Variants in DLGAP1 observed in about 807,000 individuals in gnomAD.
The protein encoded by DLGAP1 is DLG associated protein 1, also known as disks large-associated protein 1.
DLGAP1 carries 11 observed loss-of-function variants against 90.8 expected under a neutral mutation model. The observed-to-expected ratio is 0.12, with a 90% CI of 0.08 to 0.20. The LOEUF is 0.20. DLGAP1 is among the 10% of genes least tolerant of loss of function. The pLI, the probability that DLGAP1 is intolerant of heterozygous loss-of-function variation, is 1.00. For synonymous variants in DLGAP1, 558 were observed against 540.7 expected (o/e 1.03, Z -0.44); for missense variants, 1,050 against 1,333.8 (o/e 0.79, Z 3.31).
intron 5 of DLGAP1, among the ~76,000 whole-genome samples, chr18:3,792,255 TG>T (rs2065770861): frequency 6.6e-6 from 1 of 152,134 alleles, no homozygotes; most frequent in Non-Finnish European, 1.5e-5. Flanking sequence ...CTGAGGTAGA[TG>T]GATCACTTGA....
intron 3 of DLGAP1, among the ~76,000 whole-genome samples, chr18:3,931,738 C>T (rs1390215513): frequency 6.6e-6 from 1 of 152,160 alleles, no homozygotes; most frequent in Non-Finnish European, 1.5e-5. Flanking sequence ...TTAGCGCCAC[C>T]TTTGCACAGA....
rs1639300259 is a variant in DLGAP1 at position 4,454,115 on chromosome 18, G to A, written c.-267+891C>T. On this transcript the variant is annotated intron_variant, in intron 1 of 12. Transcript: ENST00000315677. The surrounding 1 kb of genome is among the most constrained non-coding windows in gnomAD (Gnocchi z 4.7). ...CCTCCCGGTGCCACCCAGCGAGGCCGGGACAGCGCGCCTTCCGCAAAAAGC... is the reference window on the plus strand; with the variant it reads ...CCTCCCGGTGCCACCCAGCGAGGCCAGGACAGCGCGCCTTCCGCAAAAAGC... Among the ~76,000 whole-genome samples the A allele has an allele frequency of 2.0e-5, 3 of 152,194 alleles. No individual in the cohort carries two copies. Among genetic ancestry groups the A allele is most frequent in the Admixed American group, 2.0e-4 (3 of 15,288 alleles).
intron 2 of DLGAP1, among the ~76,000 whole-genome samples, chr18:4,058,651 C>T (rs1366915501): frequency 6.6e-6 from 1 of 152,220 alleles, no homozygotes; most frequent in Non-Finnish European, 1.5e-5. Context: ...GGCAAATGAA[C>T]ATTCCTCTCT....
intron 1 of DLGAP1, among the ~76,000 whole-genome samples, chr18:4,335,916 A>G (rs1293483270): frequency 2.0e-5 from 3 of 152,244 alleles, no homozygotes; most frequent in Non-Finnish European, 4.4e-5. Flanking sequence ...CATATGAAAT[A>G]CATGCCATGA....
At chr18:4,179,643 T>G (rs1288120594) in intron 1 of DLGAP1, among the ~76,000 whole-genome samples, 3 of 152,154 alleles carry the variant, frequency 2.0e-5, no homozygotes, top group African/African-American at 7.2e-5. Context: ...ACTCTCACAT[T>G]TAGGCCCAAA....
At chr18:4,053,941 T>C (rs1438156267) in intron 2 of DLGAP1, among the ~76,000 whole-genome samples, 1 of 152,222 alleles carries the variant, frequency 6.6e-6, no homozygotes, top group African/African-American at 2.4e-5. Context: ...TATTTTATAG[T>C]TTCTTGAATA....
At chr18:3,798,183 G>A (rs1157647133) in intron 5 of DLGAP1, among the ~76,000 whole-genome samples, 1 of 152,170 alleles carries the variant, frequency 6.6e-6, no homozygotes, top group African/African-American at 2.4e-5. Flanking sequence ...TTTAGAATAG[G>A]TAAAACACTT....
chr18:4,039,842 T>A (rs925289894), intron 2 of DLGAP1, among the ~76,000 whole-genome samples: 2 of 152,240 alleles, frequency 1.3e-5, no homozygotes, highest in African/African-American at 4.8e-5. Flanking sequence ...TTTGATAGAA[T>A]TAAGAGAACT....
chr18:4,018,858 G>C (rs544277499), intron 2 of DLGAP1, among the ~76,000 whole-genome samples: 1 of 152,316 alleles, frequency 6.6e-6, no homozygotes, highest in African/African-American at 2.4e-5. Flanking sequence ...GATGGAAAAG[G>C]TACTCCGATT....
At chr18:4,333,098 C>A (rs1429769661) in intron 1 of DLGAP1, among the ~76,000 whole-genome samples, 1 of 151,926 alleles carries the variant, frequency 6.6e-6, no homozygotes, top group East Asian at 1.9e-4. Context: ...TAAATGACTC[C>A]AAAATTCAAT....
intron 1 of DLGAP1, among the ~76,000 whole-genome samples, chr18:4,334,060 G>A (rs1016433954): frequency 2.6e-5 from 4 of 151,444 alleles, no homozygotes; most frequent in Non-Finnish European, 5.9e-5. Flanking sequence ...CCAACATGGG[G>A]AAATCCTGTC....
At chr18:4,442,722 G>C (rs146546623) in intron 1 of DLGAP1, among the ~76,000 whole-genome samples, 23 of 152,280 alleles carry the variant, frequency 1.5e-4, no homozygotes, top group African/African-American at 5.3e-4. Context: ...CATATACCAG[G>C]AATCTATCAG....
rs1344770365 is a variant in DLGAP1 at position 4,032,830 on chromosome 18, T to TGTCTCTGACTCTCC, written c.-158-27630_-158-27629insGGAGAGTCAGAGAC. Among the ~76,000 whole-genome samples, 9 of 152,340 alleles carry TGTCTCTGACTCTCC rather than the reference T, an allele frequency of 5.9e-5. No individual in the cohort carries two copies. The East Asian group carries it at 1.7e-3, about 29-fold the overall frequency. On this transcript the variant is annotated intron_variant, in intron 2 of 12. Transcript: ENST00000315677. ...GTTCTCAATAGAGTGCAAACCTCTC[T>TGTCTCTGACTCTCC]GTCTCTGTCTCTCCGTCTCTGTAAG...
chr18:4,147,734 G>T (rs895423619), intron 2 of DLGAP1, among the ~76,000 whole-genome samples: 2 of 152,176 alleles, frequency 1.3e-5, no homozygotes, highest in Non-Finnish European at 2.9e-5. Flanking sequence ...ATGATATTAA[G>T]ATGGTAACTG....
At chr18:3,690,141 C>T (rs1358962428) in intron 7 of DLGAP1, among the ~76,000 whole-genome samples, 2 of 144,158 alleles carry the variant, frequency 1.4e-5, no homozygotes, top group African/African-American at 2.6e-5. Context: ...CTCTGTTGCC[C>T]TCTGGTGCAA....
intron 3 of DLGAP1, among the ~76,000 whole-genome samples, chr18:3,942,338 A>G (rs987306076): frequency 4.6e-5 from 7 of 152,204 alleles, no homozygotes; most frequent in African/African-American, 1.7e-4. Context: ...TAAGTTGTTG[A>G]AACTAAAACT....
chr18:3,812,554 A>G (rs968793530), intron 5 of DLGAP1, among the ~76,000 whole-genome samples: 16 of 152,204 alleles, frequency 1.1e-4, no homozygotes. Context: ...CTTGAAAAGT[A>G]ACACATGTAG....
At chr18:3,703,066 G>A (rs1429398128) in intron 7 of DLGAP1, among the ~76,000 whole-genome samples, 1 of 152,184 alleles carries the variant, frequency 6.6e-6, no homozygotes, top group Non-Finnish European at 1.5e-5. Flanking sequence ...GCCTGATGGT[G>A]CCAACAGGTC....
intron 3 of DLGAP1, among the ~76,000 whole-genome samples, chr18:3,966,962 A>AGAG (rs1294014434): frequency 2.0e-5 from 3 of 152,042 alleles, no homozygotes; most frequent in Admixed American, 6.6e-5. Context: ...GAGGTCCAAG[A>AGAG]GAGGAGGAGG....
Sources: gnomAD v4.1 joint callset for allele counts (sites outside exome capture counted in the v4.1 genomes callset) on GRCh38, gnomAD v4.1.1 for gene constraint, Gnocchi (gnomAD v3.1) non-coding constraint, MANE v1.5 for transcripts, NCBI Gene and HGNC (gene_info 2026-07-23, HGNC 2026-07-21) for gene names.